The following ALPK1 variants were observed in gnomAD, a reference collection of about 807,000 sequenced individuals.
ALPK1 encodes alpha-protein kinase 1.
In ALPK1, 110 loss-of-function variants were observed where a neutral mutation model predicts 120.6. The ratio of observed to expected loss-of-function variants is 0.91; its 90% CI spans 0.78 to 1.07. ALPK1 has a LOEUF of 1.07. Among genes scored for constraint, ALPK1 ranks in the 50% least tolerant of loss-of-function variants. The pLI, the probability that ALPK1 is intolerant of heterozygous loss-of-function variation, is 0.00. For missense variants in ALPK1, 1,498 were observed against 1,483.9 expected, an observed-to-expected ratio of 1.01 and a Z score of -0.16; for synonymous variants, 582 against 560.3, an observed-to-expected ratio of 1.04 and a Z score of -0.55.
intron 12 of ALPK1, 124 bp from the exon 13 acceptor site, chr4:112,438,360 A>C: frequency 1.2e-6 from 1 of 809,568 alleles, no homozygotes; most frequent in Non-Finnish European, 1.9e-6. Flanking sequence ...ATTAATATTC[A>C]GTCTAAGGCA....
intron 5 of ALPK1, among the ~76,000 whole-genome samples, chr4:112,416,278 T>C (rs1447582145): frequency 6.6e-6 from 1 of 152,034 alleles, no homozygotes; most frequent in African/African-American, 2.4e-5. Flanking sequence ...AACCTTAAAA[T>C]CAAGGTACAT....
intron 1 of ALPK1, among the ~76,000 whole-genome samples, chr4:112,306,163 G>C (rs1014691498): frequency 5.9e-5 from 9 of 152,018 alleles, no homozygotes; most frequent in African/African-American, 1.5e-4. Context: ...GTATTTTATT[G>C]AGGATTTTTG....
intron 2 of ALPK1, among the ~76,000 whole-genome samples, chr4:112,366,708 G>T (rs772638071): frequency 6.6e-6 from 1 of 152,146 alleles, no homozygotes; most frequent in Non-Finnish European, 1.5e-5. Context: ...TATCTACCCA[G>T]AGGAAAAGAA....
Position 112,438,613 on chromosome 4 carries a change from C to G in ALPK1, c.3318C>G (p.Thr1106=). ...GACTCTATGAACAAAACATTCCCACCCAGATATTCTACATCCCATCCACAA... is the reference window on the plus strand; with the variant it reads ...GACTCTATGAACAAAACATTCCCACGCAGATATTCTACATCCCATCCACAA... ...NKRLYEQNIP[T]QIFYIPSTIL... The change falls in exon 13 of 16, where the codon ACC becomes ACG. Residue 1106 remains threonine, a synonymous_variant. Transcript: ENST00000650871. The G allele has an allele frequency of 6.2e-7, 1 of 1,613,712 alleles. No individual in the cohort carries two copies. The highest frequency in any genetic ancestry group is 8.5e-7 in the Non-Finnish European group (1 of 1,179,756).
chr4:112,380,841 G>C (rs1014773538), intron 3 of ALPK1, among the ~76,000 whole-genome samples: 1 of 152,224 alleles, frequency 6.6e-6, no homozygotes, highest in African/African-American at 2.4e-5. Flanking sequence ...AGTCCAGTGA[G>C]AGACAGAAAT....
chr4:112,322,525 C>T (rs1728907047), intron 2 of ALPK1, among the ~76,000 whole-genome samples: 1 of 152,146 alleles, frequency 6.6e-6, no homozygotes, highest in African/African-American at 2.4e-5. Context: ...TTTTTGAGCA[C>T]CTACTATGTG....
rs2148769561 is a variant in ALPK1, at chr4:112,441,653, G to C, written c.*443G>C. The C allele has an allele frequency of 6.0e-6, 1 of 166,464 alleles. No homozygotes were observed. The highest frequency in any genetic ancestry group is 1.7e-4 in the East Asian group (1 of 5,876). 10.3% of individuals were successfully genotyped at this position (166,464 alleles called of 1,614,324 possible). ...TTTTGACATTTGACTTTGCATAAAA[G>C]TTTATCTGTGCATAATTTTATATGT... On this transcript the variant is annotated 3_prime_UTR_variant, in exon 16 of 16. Coordinates refer to ENST00000650871, the MANE Select transcript of ALPK1 (RefSeq NM_025144.4).
chr4:112,434,753 T>C (rs952459616), intron 11 of ALPK1, among the ~76,000 whole-genome samples: 8 of 152,226 alleles, frequency 5.3e-5, no homozygotes, highest in African/African-American at 1.9e-4. Context: ...GTAGCTTCTG[T>C]TATTTGGGAT....
chr4:112,395,338 C>A (rs899028091), intron 4 of ALPK1, among the ~76,000 whole-genome samples: 1 of 152,164 alleles, frequency 6.6e-6, no homozygotes, highest in Non-Finnish European at 1.5e-5. Context: ...CTCACAAGGG[C>A]AAAACCCAAG....
At chr4:112,356,895 A>G (rs1730648620) in intron 2 of ALPK1, 3 of 750,160 alleles carry the variant, frequency 4.0e-6, no homozygotes, top group African/African-American at 1.7e-5. Flanking sequence ...CACAAGGTGA[A>G]GAAGACGTGT....
chr4:112,437,860 G>A (rs1734853016), intron 12 of ALPK1, among the ~76,000 whole-genome samples: 1 of 152,184 alleles, frequency 6.6e-6, no homozygotes, highest in Non-Finnish European at 1.5e-5. Context: ...ATTCACACCA[G>A]TTTACAGCAA....
chr4:112,366,357 A>G (rs992046796), intron 2 of ALPK1, among the ~76,000 whole-genome samples: 1 of 152,284 alleles, frequency 6.6e-6, no homozygotes, highest in African/African-American at 2.4e-5. Flanking sequence ...AGAAAAAAAA[A>G]CAAACAATTC....
intron 2 of ALPK1, chr4:112,356,784 C>T (rs148220800): frequency 8.1e-6 from 6 of 740,598 alleles, no homozygotes; most frequent in Middle Eastern, 2.4e-4. Context: ...AAGCAGCAAG[C>T]CGACATCGTC....
At chr4:112,336,667 G>A (rs950506031) in intron 2 of ALPK1, among the ~76,000 whole-genome samples, 1 of 152,094 alleles carries the variant, frequency 6.6e-6, no homozygotes, top group African/African-American at 2.4e-5. Flanking sequence ...TTGGAGCTAT[G>A]GATGGGCAAC....
rs138076364 is a variant in ALPK1, at chr4:112,410,467, C to T, written c.277-1360C>T. Among the ~76,000 whole-genome samples, 145 of 152,300 alleles carry T rather than the reference C, an allele frequency of 9.5e-4. 1 individual carries two copies. The highest frequency in any genetic ancestry group is 2.7e-3 in the African/African-American group (113 of 41,556). Reference sequence around the variant, plus strand: ...AATCACCTAGCACTGTGCCTGGCACCTGGTTTTGCCCAGTAAGTGTTAGTA... The same window carrying T: ...AATCACCTAGCACTGTGCCTGGCACTTGGTTTTGCCCAGTAAGTGTTAGTA... On this transcript the variant is annotated intron_variant, in intron 4 of 15. Coordinates refer to ENST00000650871, the MANE Select transcript of ALPK1 (RefSeq NM_025144.4).
Position 112,431,010 on chromosome 4 carries a change from T to C in ALPK1, c.1463T>C (p.Val488Ala), listed in dbSNP as rs752614014. ...KNEQKDAKTG[V>A]CITALKTEIK... ...GAACAGAAAGATGCAAAAACAGGAG[T>C]CTGCATCACTGCTCTAAAAACAGAA... Residue 488 changes from valine to alanine, a missense_variant, in exon 11 of 16, where the codon GTC becomes GCC. Transcript: ENST00000650871. 13 of 1,612,450 alleles carry C rather than the reference T, an allele frequency of 8.1e-6. No homozygotes were observed. In the African/African-American group the frequency reaches 1.1e-4, roughly 13 times the overall value.
intron 2 of ALPK1, among the ~76,000 whole-genome samples, chr4:112,370,693 C>G (rs182450416): frequency 1.3e-5 from 2 of 152,326 alleles, no homozygotes; most frequent in East Asian, 3.9e-4. Context: ...TGGTTGGATT[C>G]CAAAGCGTTT....
chr4:112,303,790 T>C (rs1166946917), intron 1 of ALPK1, among the ~76,000 whole-genome samples: 1 of 152,104 alleles, frequency 6.6e-6, no homozygotes, highest in Non-Finnish European at 1.5e-5. Flanking sequence ...AGGGTACATG[T>C]GCACAACATG....
At chr4:112,357,747 G>C in intron 2 of ALPK1, 2 of 1,318,172 alleles carry the variant, frequency 1.5e-6, no homozygotes, top group Non-Finnish European at 2.2e-6. Context: ...CTTTGGGGAA[G>C]GCTCTGGGCA....
Sources: allele counts gnomAD v4.1 joint callset (sites outside exome capture counted in the v4.1 genomes callset), GRCh38; gene constraint gnomAD v4.1.1; transcripts MANE v1.5; gene names NCBI Gene and HGNC (gene_info 2026-07-23, HGNC 2026-07-21).